The following SLC60A1 variants were observed in gnomAD, a reference collection of about 807,000 sequenced individuals.
The protein encoded by SLC60A1 is solute carrier family 60 member 1.
chr1:205,592,355 GTCTC>G, the SLC60A1 span: 2 of 1,420,396 alleles, frequency 1.4e-6, no homozygotes, highest in Non-Finnish European at 1.9e-6. Context: ...GCTCTGCCCT[GTCTC>G]TCTGTGCTCT....
the SLC60A1 span, chr1:205,586,122 T>C: frequency 1.2e-6 from 2 of 1,613,710 alleles, no homozygotes; most frequent in East Asian, 2.2e-5. Flanking sequence ...CCCAGCCTCT[T>C]CTGGGGCTTC....
At chr1:205,593,634 A>G in the SLC60A1 span, among the ~76,000 whole-genome samples, 1 of 152,134 alleles carries the variant, frequency 6.6e-6, no homozygotes, top group African/African-American at 2.4e-5. Context: ...GTCGTTAGGA[A>G]TAAAATCTTT....
chr1:205,584,074 T>C, the SLC60A1 span: 1 of 1,614,078 alleles, frequency 6.2e-7, no homozygotes, highest in Non-Finnish European at 8.5e-7. Flanking sequence ...CACAGCCTCC[T>C]GAGAAGGAAG....
chr1:205,593,453 C>CAAAAAA, the SLC60A1 span, among the ~76,000 whole-genome samples: 5 of 83,526 alleles, frequency 6.0e-5, no homozygotes, highest in Admixed American at 1.4e-4. Context: ...GACTCTGTCT[C>CAAAAAA]AAAAAAAAAA....
chr1:205,582,362 C>G, the SLC60A1 span, among the ~76,000 whole-genome samples: 4 of 152,224 alleles, frequency 2.6e-5, no homozygotes, highest in Admixed American at 6.5e-5. Flanking sequence ...ATAAACAGTC[C>G]AGCACGGAGG....
the SLC60A1 span, chr1:205,592,396 A>G: frequency 8.7e-7 from 1 of 1,152,592 alleles, no homozygotes. Context: ...TTTTATTATT[A>G]TTATACTTCA....
At chr1:205,574,234 G>A in the SLC60A1 span, among the ~76,000 whole-genome samples, 2 of 151,840 alleles carry the variant, frequency 1.3e-5, no homozygotes, top group African/African-American at 4.8e-5. Flanking sequence ...ACCACTTGAG[G>A]GCAGGAGTTC....
the SLC60A1 span, among the ~76,000 whole-genome samples, chr1:205,587,785 C>T: frequency 1.5e-4 from 23 of 152,102 alleles, no homozygotes; most frequent in East Asian, 9.7e-4. Context: ...TGGGGCGAAA[C>T]GATGTCAAAG....
chr1:205,569,122 C>T, the SLC60A1 span: 4 of 1,529,146 alleles, frequency 2.6e-6, no homozygotes, highest in East Asian at 2.6e-5. Flanking sequence ...CTGCAGCCCA[C>T]GCTCACCTAC....
chr1:205,569,894 T>C, the SLC60A1 span, among the ~76,000 whole-genome samples: 1 of 152,170 alleles, frequency 6.6e-6, no homozygotes, highest in South Asian at 2.1e-4. Flanking sequence ...GTGGGTTCTG[T>C]GTAGCCCTCC....
the SLC60A1 span, among the ~76,000 whole-genome samples, chr1:205,570,134 C>T: frequency 1.3e-5 from 2 of 152,180 alleles, no homozygotes; most frequent in Non-Finnish European, 2.9e-5. Context: ...CCCCAGAAAT[C>T]CCCCTTTGAC....
the SLC60A1 span, among the ~76,000 whole-genome samples, chr1:205,599,638 T>C: frequency 2.6e-5 from 4 of 152,344 alleles, no homozygotes; most frequent in South Asian, 2.1e-4. Context: ...AACGGCCTAA[T>C]TGGCCATCTC....
the SLC60A1 span, chr1:205,584,084 G>A: frequency 1.9e-6 from 3 of 1,614,112 alleles, no homozygotes; most frequent in African/African-American, 4.0e-5. Flanking sequence ...TGAGAAGGAA[G>A]ATGCCTCCTC....
chr1:205,596,544 CAAAAAAAAAAAAAAAAAAA>C, the SLC60A1 span, among the ~76,000 whole-genome samples: 7 of 49,138 alleles, frequency 1.4e-4, no homozygotes, highest in East Asian at 1.6e-3. Flanking sequence ...GACTCTGTCT[CAAAAAAAAAAAAAAAAAAA>C]AAAAAAAAAA....
the SLC60A1 span, among the ~76,000 whole-genome samples, chr1:205,588,011 C>T: frequency 6.6e-6 from 1 of 152,076 alleles, no homozygotes; most frequent in Non-Finnish European, 1.5e-5. Flanking sequence ...GTTCCTGGGC[C>T]CAACCCAGAC....
chr1:205,571,293 A>G, the SLC60A1 span, among the ~76,000 whole-genome samples: 1 of 152,202 alleles, frequency 6.6e-6, no homozygotes, highest in Admixed American at 6.5e-5. Context: ...ACAGAATTTG[A>G]ACCCAGGTGT....
the SLC60A1 span, among the ~76,000 whole-genome samples, chr1:205,595,689 G>C: frequency 2.0e-5 from 3 of 152,152 alleles, no homozygotes; most frequent in East Asian, 5.8e-4. Context: ...CTGTAAAATG[G>C]GGATGCAAAT....
the SLC60A1 span, chr1:205,579,407 C>T: frequency 1.9e-6 from 1 of 517,422 alleles, no homozygotes; most frequent in South Asian, 2.9e-5. Flanking sequence ...TTGAGATGCT[C>T]AAAACAGGTT....
chr1:205,588,200 G>A, the SLC60A1 span, among the ~76,000 whole-genome samples: 1 of 152,020 alleles, frequency 6.6e-6, no homozygotes, highest in Admixed American at 6.6e-5. Context: ...GGCCAGGCGC[G>A]GTGGCTCACA....
Sources: allele counts gnomAD v4.1 joint callset (sites outside exome capture counted in the v4.1 genomes callset), GRCh38; gene constraint gnomAD v4.1.1; transcripts MANE v1.5; gene names NCBI Gene and HGNC (gene_info 2026-07-23, HGNC 2026-07-21).